Variants in UBXN2A observed in about 807,000 individuals in gnomAD.
The protein encoded by UBXN2A is UBX domain protein 2A.
UBXN2A carries 28 observed loss-of-function variants against 28.4 expected under a neutral mutation model. The ratio of observed to expected loss-of-function variants is 0.99; its 90% CI spans 0.73 to 1.35. UBXN2A has a LOEUF of 1.35. UBXN2A is among the 40% of genes most tolerant of loss of function. UBXN2A has a pLI of 0.00. For missense variants in UBXN2A, 253 were observed against 297.9 expected, an observed-to-expected ratio of 0.85 and a Z score of 1.11; for synonymous variants, 97 against 103.6, an observed-to-expected ratio of 0.94 and a Z score of 0.39.
At chr2:23,950,404 A>G (rs1050161448) in intron 1 of UBXN2A, among the ~76,000 whole-genome samples, 4 of 151,906 alleles carry the variant, frequency 2.6e-5, no homozygotes, top group African/African-American at 7.3e-5. Flanking sequence ...TTATTTTATT[A>G]TTATTATTAC....
upstream of UBXN2A, among the ~76,000 whole-genome samples, chr2:23,937,193 C>A (rs1433775257): frequency 6.6e-6 from 1 of 152,130 alleles, no homozygotes; most frequent in Non-Finnish European, 1.5e-5. Context: ...ACTGGAAGTT[C>A]TAGCTAGAGC....
chr2:23,948,926 A>G (rs1204895794), intron 1 of UBXN2A, among the ~76,000 whole-genome samples: 1 of 151,392 alleles, frequency 6.6e-6, no homozygotes, highest in Non-Finnish European at 1.5e-5. Flanking sequence ...AAATCCTTTA[A>G]GTAAGACTTC....
chr2:23,963,737 G>T (rs934833979), intron 2 of UBXN2A, among the ~76,000 whole-genome samples: 1 of 152,052 alleles, frequency 6.6e-6, no homozygotes, highest in African/African-American at 2.4e-5. Flanking sequence ...ACAGTATGGC[G>T]ATTCCTCAAA....
At chr2:23,987,084 C>A (rs1708161127) in intron 6 of UBXN2A, among the ~76,000 whole-genome samples, 1 of 151,040 alleles carries the variant, frequency 6.6e-6, no homozygotes, top group Non-Finnish European at 1.5e-5. Flanking sequence ...CAGAGCAAGA[C>A]CCTGTCTCAA....
intron 6 of UBXN2A, chr2:23,996,886 T>C (rs1236707778): frequency 6.6e-6 from 1 of 152,216 alleles, no homozygotes; most frequent in African/African-American, 2.4e-5. Flanking sequence ...AGTTTTTACT[T>C]GCTCAATTTC....
upstream of UBXN2A, among the ~76,000 whole-genome samples, chr2:23,935,984 G>T (rs1424105294): frequency 6.6e-6 from 1 of 152,086 alleles, no homozygotes; most frequent in Non-Finnish European, 1.5e-5. Context: ...CCTGGGAGGG[G>T]GAGGTTGCAG....
intron 6 of UBXN2A, among the ~76,000 whole-genome samples, chr2:23,989,807 G>A (rs1708283535): frequency 6.6e-6 from 1 of 152,082 alleles, no homozygotes; most frequent in South Asian, 2.1e-4. Context: ...GGAGGCTGAA[G>A]TAGGAGGATC....
At chr2:23,944,177 A>G in intron 1 of UBXN2A, 1 of 1,294,256 alleles carries the variant, frequency 7.7e-7, no homozygotes, top group Non-Finnish European at 1.1e-6. Flanking sequence ...TGGGGCCAGC[A>G]CTGATGGACA....
At chr2:23,955,121 C>T (rs146555088) in intron 1 of UBXN2A, among the ~76,000 whole-genome samples, 269 of 151,956 alleles carry the variant, frequency 1.8e-3, no homozygotes, top group African/African-American at 3.4e-3. Flanking sequence ...TTAGTAGAGA[C>T]GGGGTTTCAC....
In UBXN2A at chr2:23,934,466, A is replaced by T. The variant is rs115881206; in HGVS notation, c.-137-5074A>T. On this transcript the variant is annotated intron_variant, in intron 1 of 7. Coordinates refer to the UBXN2A transcript ENST00000404924. ...TCTCAAGGGAAGGAAATGCTCAAAGATGCTCACTTGGTTTCTGTCCTGAAC... is the reference window on the plus strand; with the variant it reads ...TCTCAAGGGAAGGAAATGCTCAAAGTTGCTCACTTGGTTTCTGTCCTGAAC... Among the ~76,000 whole-genome samples, 638 of 152,296 alleles carry T rather than the reference A, an allele frequency of 4.2e-3. 3 individuals are homozygous for T. Among genetic ancestry groups the T allele is most frequent in the Admixed American group, 8.8e-3 (135 of 15,294 alleles).
intron 1 of UBXN2A, among the ~76,000 whole-genome samples, chr2:23,931,158 AAAAG>A (rs1013486237): frequency 6.6e-6 from 1 of 152,042 alleles, no homozygotes; most frequent in African/African-American, 2.4e-5. Context: ...TCTCAAAAAA[AAAAG>A]GGGGGCTGGG....
chr2:23,946,744 C>T (rs1706102656), intron 1 of UBXN2A, among the ~76,000 whole-genome samples: 2 of 152,042 alleles, frequency 1.3e-5, no homozygotes, highest in South Asian at 2.1e-4. Flanking sequence ...CATGAGCCAC[C>T]GCACCCAGCC....
At chr2:23,959,141 A>G (rs1346825730) in intron 2 of UBXN2A, among the ~76,000 whole-genome samples, 1 of 152,116 alleles carries the variant, frequency 6.6e-6, no homozygotes, top group Non-Finnish European at 1.5e-5. Flanking sequence ...CCTATTATTT[A>G]TTTTTTAACT....
At chr2:23,945,830 C>CTT (rs796764799) in intron 1 of UBXN2A, among the ~76,000 whole-genome samples, 13 of 138,784 alleles carry the variant, frequency 9.4e-5, no homozygotes, top group Non-Finnish European at 7.9e-5. Flanking sequence ...TTTTTCTTCT[C>CTT]TTTTTTTTTT....
chr2:23,975,702 G>A (rs114772928), intron 3 of UBXN2A, among the ~76,000 whole-genome samples: 3,406 of 152,084 alleles, frequency 0.022, 137 homozygotes, highest in African/African-American at 0.078. Context: ...GCAGTGGTGC[G>A]ATCTCATCTC....
chr2:23,968,710 C>T (rs1426177643), intron 2 of UBXN2A, among the ~76,000 whole-genome samples: 1 of 151,244 alleles, frequency 6.6e-6, no homozygotes, highest in East Asian at 1.9e-4. Context: ...CTTATATTTC[C>T]TGGCACAGTA....
chr2:23,962,313 C>G (rs953773827), intron 2 of UBXN2A, among the ~76,000 whole-genome samples: 1 of 152,074 alleles, frequency 6.6e-6, no homozygotes, highest in African/African-American at 2.4e-5. Flanking sequence ...AATGAGAAAG[C>G]AAACAAAAGA....
At chr2:23,977,588 C>T (rs1342387027) in intron 4 of UBXN2A, among the ~76,000 whole-genome samples, 1 of 152,036 alleles carries the variant, frequency 6.6e-6, no homozygotes, top group Non-Finnish European at 1.5e-5. Flanking sequence ...TTGCAGTGGG[C>T]CAAGATTGCA....
chr2:24,003,094 CAA>C lies in UBXN2A; in HGVS notation c.*3229_*3230del, dbSNP rs760886389. 7.2e-5 allele frequency: 11 copies of C among 152,266 alleles called. No homozygotes were observed. The highest frequency in any genetic ancestry group is 8.8e-5 in the Non-Finnish European group (6 of 68,016). 9.4% of individuals were successfully genotyped at this position (152,266 alleles called of 1,614,324 possible). ...AAAATGCCATTCCTGCCACCTACCA[CAA>C]AGATTCTGATTCACTGTATCTGTGA... On this transcript the variant is annotated 3_prime_UTR_variant, in exon 7 of 7. Coordinates refer to ENST00000309033, the MANE Select transcript of UBXN2A (RefSeq NM_181713.4).
Sources: gnomAD v4.1 joint callset for allele counts (sites outside exome capture counted in the v4.1 genomes callset) on GRCh38, gnomAD v4.1.1 for gene constraint, MANE v1.5 for transcripts, NCBI Gene and HGNC (gene_info 2026-07-23, HGNC 2026-07-21) for gene names.